The following SAGE1 variants were observed in gnomAD, a reference collection of about 807,000 sequenced individuals.
SAGE1 encodes the protein sarcoma antigen 1, also known as cancer/testis antigen 14.
A neutral mutation model predicts 55.4 loss-of-function variants in SAGE1; 55 were observed. The ratio of observed to expected loss-of-function variants is 0.99; its 90% confidence interval spans 0.80 to 1.24. SAGE1 has a LOEUF of 1.24. SAGE1 is among the 50% of genes most tolerant of loss of function. The probability of loss-of-function intolerance (pLI) is 0.00; values close to 1 mark genes in which losing one functional copy is unlikely to be tolerated. For synonymous variants in SAGE1, 240 were observed against 244.3 expected (o/e 0.98, Z 0.17); for missense variants, 710 against 704.4 (o/e 1.01, Z -0.09).
At position 135,908,520 on chromosome X, in the gene SAGE1, T is replaced by C; in HGVS notation, c.1344T>C (p.Asn448=). 3 of 1,207,772 alleles carry C rather than the reference T, an allele frequency of 2.5e-6. No individual in the cohort carries two copies. Among genetic ancestry groups the C allele is most frequent in the Non-Finnish European group, 3.4e-6 (3 of 893,572 alleles). ...NHHVHEARME[N]GQRKQDNVLS... is the part of the protein sequence containing the mutation. Reference sequence around the variant, plus strand: ...ATGTCCATGAAGCAAGGATGGAAAATGGCCAACGAAAACAGGATAACGTCT... The same window carrying C: ...ATGTCCATGAAGCAAGGATGGAAAACGGCCAACGAAAACAGGATAACGTCT... The change falls in exon 12 of 20, where the codon AAT becomes AAC. Residue 448 remains asparagine (N), a synonymous_variant. Coordinates refer to ENST00000370709, the MANE Select transcript of SAGE1 (RefSeq NM_001381902.1).
Position 135,908,153 on chromosome X carries a change from C to T in SAGE1, c.1224C>T (p.Asn408=), listed in dbSNP as rs139911590. 43 of 1,205,712 alleles carry T rather than the reference C, an allele frequency of 3.6e-5. No homozygotes were observed. Among genetic ancestry groups the T allele is most frequent in the Admixed American group, 4.4e-5 (2 of 45,593 alleles). The part of the protein sequence containing the change: ...KKDNSQPTPD[N]VLSAVTPELI... ...ATAACAGCCAACCAACCCCTGATAA[C>T]GTCTTGTCAGCTGTTACACCAGAGC... Residue 408 remains asparagine (N), a synonymous_variant, in exon 11 of 20, where the codon AAC becomes AAT. Coordinates refer to ENST00000370709, the MANE Select transcript of SAGE1 (RefSeq NM_001381902.1).
At chrX:135,897,014 A>G (rs2088596591) in intron 2 of SAGE1, among the ~76,000 whole-genome samples, 2 of 111,752 alleles carry the variant, frequency 1.8e-5, no homozygotes, top group Admixed American at 9.5e-5. Context: ...TTGAACGCAT[A>G]TCTTTCTGAC....
intron 2 of SAGE1, among the ~76,000 whole-genome samples, chrX:135,900,318 T>C (rs1242778624): frequency 2.7e-5 from 3 of 112,005 alleles, no homozygotes; most frequent in Non-Finnish European, 5.6e-5. Context: ...TATTCTGAAA[T>C]GACCTTGCAT....
intron 4 of SAGE1, 132 bp downstream of exon 4, chrX:135,904,701 A>G: frequency 2.2e-6 from 1 of 460,099 alleles, no homozygotes; most frequent in East Asian, 3.7e-5. Flanking sequence ...GTTTTGTTGT[A>G]TATTCTTTCT....
At position 135,897,906 on chromosome X, in the gene SAGE1, A is replaced by G. The variant is rs146494661; in HGVS notation, c.87+1577A>G. Among the ~76,000 whole-genome samples, 13 of 111,891 alleles carry G rather than the reference A, an allele frequency of 1.2e-4. No homozygotes were observed. The East Asian group carries it at 3.7e-3, about 31-fold the overall frequency. Reference sequence around the variant, plus strand: ...TGTTCTCATCATTCAGCTCCCACTTATAAGTGAGAACACGTGCTGTTTGGT... The same window carrying G: ...TGTTCTCATCATTCAGCTCCCACTTGTAAGTGAGAACACGTGCTGTTTGGT... On this transcript the variant is annotated intron_variant, in intron 2 of 19. Transcript: ENST00000370709.
chrX:135,906,254 TCG>T, intron 6 of SAGE1, 90 bp downstream of exon 6: 1 of 1,091,317 alleles, frequency 9.2e-7, no homozygotes, highest in Non-Finnish European at 1.2e-6. Context: ...TGTTGTGTTA[TCG>T]TTTCTGGCCT....
At position 135,912,354 on chromosome X, in the gene SAGE1, T is replaced by C. The variant is rs372241144; in HGVS notation, c.2555T>C (p.Val852Ala). 8.3e-7 allele frequency: 1 copy of C among 1,201,766 alleles called. No individual in the cohort carries two copies. The highest frequency in any genetic ancestry group is 1.1e-6 in the Non-Finnish European group (1 of 892,328). The change falls in exon 19 of 20, where the codon GTA (valine) becomes GCA (alanine). Residue 852 changes from valine to alanine, a missense_variant. Physicochemically the swap from Val to Ala is moderately conservative, Grantham distance 64. Transcript: ENST00000370709. ...YERIFILLEE[V>A]QGSMKVKRQF... Reference sequence around the variant, plus strand: ...AGAATTTTCATTTTGCTTGAAGAGGTACAAGGATCTATGAAAGTCAAGAGA... The same window carrying C: ...AGAATTTTCATTTTGCTTGAAGAGGCACAAGGATCTATGAAAGTCAAGAGA...
In SAGE1 at chrX:135,908,475, A is replaced by G. The variant is rs1556603614; in HGVS notation, c.1301-2A>G. 9.2e-6 allele frequency: 11 copies of G among 1,199,919 alleles called. No homozygotes were observed. The highest frequency in any genetic ancestry group is 1.2e-5 in the Non-Finnish European group (11 of 890,977). On this transcript the variant is annotated splice_acceptor_variant, in intron 11 of 19. Coordinates refer to ENST00000370709, the MANE Select transcript of SAGE1 (RefSeq NM_001381902.1). LOFTEE classifies it high-confidence loss of function. Reference sequence around the variant, plus strand: ...AGCTCGACCTCTTTATTTGGTTTCTAGATGCTACCGTCAATCACCATGTCC... The same window carrying G: ...AGCTCGACCTCTTTATTTGGTTTCTGGATGCTACCGTCAATCACCATGTCC...
chrX:135,901,164 A>AG (rs2088671320), intron 2 of SAGE1, among the ~76,000 whole-genome samples: 1 of 90,406 alleles, frequency 1.1e-5, no homozygotes, highest in Non-Finnish European at 2.2e-5. Flanking sequence ...AAAAAAAAAA[A>AG]GCACTAAAAG....
Position 135,910,426 on chromosome X carries a change from A to T in SAGE1, c.1876A>T (p.Thr626Ser). 5.0e-6 allele frequency: 6 copies of T among 1,209,939 alleles called. No individual in the cohort carries two copies. Among genetic ancestry groups the T allele is most frequent in the Non-Finnish European group, 6.7e-6 (6 of 894,524 alleles). Residue 626 changes from threonine to serine, a missense_variant, in exon 16 of 20, where the codon ACT becomes TCT. Physicochemically the swap from Thr to Ser is moderately conservative, Grantham distance 58. Transcript: ENST00000370709. Reference protein sequence around the residue: ...MSTRDQYAAVTHNIREEKINN... With the variant: ...MSTRDQYAAVSHNIREEKINN... The stretch of plus-strand genomic sequence containing the variant: ...TCTTTTGTTTCCAGATGCTGCAGTC[A>T]CTCACAACATCCGTGAAGAGAAGAT...
chrX:135,909,334 C>T (rs2088853326), intron 13 of SAGE1, among the ~76,000 whole-genome samples: 1 of 112,117 alleles, frequency 8.9e-6, no homozygotes, highest in Admixed American at 9.5e-5. Context: ...TCAACTGTTA[C>T]AGCAGGGCTT....
intron 2 of SAGE1, among the ~76,000 whole-genome samples, chrX:135,900,674 T>G (rs1173666477): frequency 2.7e-5 from 3 of 111,434 alleles, no homozygotes; most frequent in Non-Finnish European, 5.6e-5. Flanking sequence ...TTTCATGTTT[T>G]ATTTACCACT....
At chrX:135,907,162 T>A in intron 8 of SAGE1, 96 bp downstream of exon 8, 1 of 1,057,469 alleles carries the variant, frequency 9.5e-7, no homozygotes, top group Non-Finnish European at 1.3e-6. Context: ...ATCATCTATC[T>A]TGAGCTCAAT....
chrX:135,903,704 A>G (rs1234265577), intron 3 of SAGE1, among the ~76,000 whole-genome samples: 1 of 112,147 alleles, frequency 8.9e-6, no homozygotes, highest in Non-Finnish European at 1.9e-5. Context: ...GGGCTCACTT[A>G]GTCTGGCTTC....
chrX:135,907,480 C>A, intron 9 of SAGE1, 27 bp downstream of exon 9: 1 of 1,170,773 alleles, frequency 8.5e-7, no homozygotes, highest in African/African-American at 1.8e-5. Context: ...GTTGTAGTGT[C>A]CTAGTTGGTT....
chrX:135,911,408 G>A, intron 17 of SAGE1, 76 bp downstream of exon 17: 1 of 1,075,957 alleles, frequency 9.3e-7, no homozygotes, highest in South Asian at 2.0e-5. Flanking sequence ...GAAGAAGGTG[G>A]TTTTGTTGTA....
intron 17 of SAGE1, 55 bp from the exon 18 acceptor site, chrX:135,911,524 T>TG: frequency 1.0e-6 from 1 of 961,671 alleles, no homozygotes; most frequent in African/African-American, 1.9e-5. Flanking sequence ...GGATATACTG[T>TG]GGGGGTGACA....
intron 11 of SAGE1, 45 bp downstream of exon 11, chrX:135,908,274 G>A (rs1556603424): frequency 1.8e-6 from 2 of 1,120,988 alleles, no homozygotes; most frequent in Non-Finnish European, 2.4e-6. Context: ...GTTTCCATAT[G>A]AATGCAGTAT....
chrX:135,904,652 T>C (rs1556599176), intron 4 of SAGE1, 83 bp downstream of exon 4: 1 of 586,143 alleles, frequency 1.7e-6, no homozygotes, highest in Non-Finnish European at 2.7e-6. Context: ...CCTACTTGGT[T>C]TCCATAAGCA....
Sources: gnomAD v4.1 joint callset for allele counts (sites outside exome capture counted in the v4.1 genomes callset) on GRCh38, gnomAD v4.1.1 for gene constraint, MANE v1.5 for transcripts, NCBI Gene and HGNC (gene_info 2026-07-23, HGNC 2026-07-21) for gene names.